The following XRCC4 variants were observed in gnomAD, a reference collection of about 807,000 sequenced individuals.
XRCC4 encodes DNA repair protein XRCC4.
XRCC4 carries 28 observed loss-of-function variants against 39.1 expected under a neutral mutation model. The observed-to-expected ratio is 0.72, with a 90% CI of 0.53 to 0.98. XRCC4 has a LOEUF of 0.98. XRCC4 is among the 50% of genes least tolerant of loss of function. The pLI is 0.00. For synonymous variants in XRCC4, 123 were observed against 126.4 expected (o/e 0.97, Z 0.18); for missense variants, 350 against 376.4 (o/e 0.93, Z 0.58).
At chr5:83,243,765 G>A (rs911994284) in intron 6 of XRCC4, among the ~76,000 whole-genome samples, 1 of 152,168 alleles carries the variant, frequency 6.6e-6, no homozygotes, top group East Asian at 1.9e-4. Context: ...GTGTCAGCTG[G>A]ATAAAGGAAG....
intron 3 of XRCC4, among the ~76,000 whole-genome samples, chr5:83,164,199 T>A (rs1749351014): frequency 6.6e-6 from 1 of 152,188 alleles, no homozygotes; most frequent in Non-Finnish European, 1.5e-5. Flanking sequence ...CTTTAGCCTC[T>A]CACTATCTTA....
intron 3 of XRCC4, among the ~76,000 whole-genome samples, chr5:83,156,524 C>A (rs1454163559): frequency 6.6e-6 from 1 of 151,942 alleles, no homozygotes; most frequent in Non-Finnish European, 1.5e-5. Context: ...TTTTTAATAT[C>A]AGAGATTCTG....
chr5:83,104,397 A>C (rs1372730560), intron 1 of XRCC4, among the ~76,000 whole-genome samples: 1 of 152,166 alleles, frequency 6.6e-6, no homozygotes, highest in Non-Finnish European at 1.5e-5. Context: ...TCTTGCAACC[A>C]TTTCTTTTGT....
At chr5:83,172,152 A>G (rs1256154791) in intron 3 of XRCC4, among the ~76,000 whole-genome samples, 1 of 152,084 alleles carries the variant, frequency 6.6e-6, no homozygotes, top group African/African-American at 2.4e-5. Context: ...TCATTCTTTC[A>G]TAGGAGTTTG....
chr5:83,262,408 T>C (rs1753784259), intron 7 of XRCC4, among the ~76,000 whole-genome samples: 2 of 152,110 alleles, frequency 1.3e-5, no homozygotes, highest in South Asian at 2.1e-4. Context: ...TGCACTATTA[T>C]ATGTGGGAAT....
chr5:83,230,025 G>T (rs1197294878), intron 6 of XRCC4, among the ~76,000 whole-genome samples: 1 of 151,686 alleles, frequency 6.6e-6, no homozygotes, highest in African/African-American at 2.4e-5. Flanking sequence ...CCCTTCCATT[G>T]CTCTGTGCAT....
chr5:83,138,046 T>C (rs1036529394), intron 3 of XRCC4, among the ~76,000 whole-genome samples: 1 of 152,194 alleles, frequency 6.6e-6, no homozygotes, highest in African/African-American at 2.4e-5. Flanking sequence ...TGGAAGTACT[T>C]GAGTTCAGAT....
intron 6 of XRCC4, among the ~76,000 whole-genome samples, chr5:83,233,614 A>G (rs1212131536): frequency 6.6e-6 from 1 of 151,890 alleles, no homozygotes; most frequent in Non-Finnish European, 1.5e-5. Flanking sequence ...TAGGCCAGGC[A>G]CGGTGGCTCA....
intron 7 of XRCC4, among the ~76,000 whole-genome samples, chr5:83,342,895 A>G (rs1179698005): frequency 6.6e-6 from 1 of 152,114 alleles, no homozygotes; most frequent in African/African-American, 2.4e-5. Context: ...CCATTTAAGA[A>G]GTGTTTCCAT....
intron 7 of XRCC4, among the ~76,000 whole-genome samples, chr5:83,339,056 C>CTTGTG (rs1756678953): frequency 6.6e-6 from 1 of 152,156 alleles, no homozygotes; most frequent in African/African-American, 2.4e-5. Flanking sequence ...GTTGCCTCAT[C>CTTGTG]TACACAGCAA....
rs1244168728 is a variant in XRCC4 at position 83,126,452 on chromosome 5, A to AT, written c.315+15255dup. The stretch of plus-strand genomic sequence containing the variant: ...TGTTTGCTTTTAAGATTCTTTGAGA[A>AT]TTTTTTCTGTAAACAGTGATGTTAT... On this transcript the variant is annotated intron_variant, in intron 3 of 7. Coordinates refer to ENST00000396027, the MANE Select transcript of XRCC4 (RefSeq NM_003401.5). Among the ~76,000 whole-genome samples, 4 of 151,832 alleles carry AT rather than the reference A, an allele frequency of 2.6e-5. No homozygotes were observed. In the East Asian group the frequency reaches 5.8e-4, roughly 22 times the overall value.
chr5:83,134,681 A>G (rs1459409229), intron 3 of XRCC4, among the ~76,000 whole-genome samples: 1 of 152,180 alleles, frequency 6.6e-6, no homozygotes, highest in Non-Finnish European at 1.5e-5. Flanking sequence ...CAGCAGCAGC[A>G]ACTCACTCGG....
intron 3 of XRCC4, among the ~76,000 whole-genome samples, chr5:83,119,555 C>A (rs549587165): frequency 1.3e-5 from 2 of 151,728 alleles, no homozygotes; most frequent in African/African-American, 4.8e-5. Context: ...TTTGTGGACC[C>A]ATTTTCTTTC....
intron 7 of XRCC4, among the ~76,000 whole-genome samples, chr5:83,297,933 TA>T (rs981522327): frequency 3.9e-5 from 6 of 151,988 alleles, no homozygotes; most frequent in African/African-American, 1.4e-4. Context: ...TTTGTCTTTC[TA>T]AAAATTTATG....
chr5:83,158,810 A>G (rs1035789948), intron 3 of XRCC4, among the ~76,000 whole-genome samples: 2 of 152,134 alleles, frequency 1.3e-5, no homozygotes, highest in African/African-American at 4.8e-5. Flanking sequence ...TAAAGAACTA[A>G]TCTTATATAA....
At chr5:83,320,269 A>G (rs1756013295) in intron 7 of XRCC4, among the ~76,000 whole-genome samples, 2 of 148,760 alleles carry the variant, frequency 1.3e-5, no homozygotes, top group African/African-American at 4.9e-5. Context: ...ATGACACGTT[A>G]GTGGGTGCAG....
intron 7 of XRCC4, among the ~76,000 whole-genome samples, chr5:83,348,368 G>A (rs925474638): frequency 2.1e-4 from 32 of 152,236 alleles, no homozygotes; most frequent in African/African-American, 7.5e-4. Flanking sequence ...CTGAAACCTA[G>A]GTGGAGGTTC....
intron 3 of XRCC4, among the ~76,000 whole-genome samples, chr5:83,151,767 T>A (rs1329602701): frequency 1.3e-5 from 2 of 152,076 alleles, no homozygotes; most frequent in Non-Finnish European, 2.9e-5. Flanking sequence ...CCACTAAGAG[T>A]TTGAAACTGA....
intron 6 of XRCC4, among the ~76,000 whole-genome samples, chr5:83,223,310 A>G (rs555816559): frequency 6.6e-6 from 1 of 152,178 alleles, no homozygotes; most frequent in South Asian, 2.1e-4. Context: ...TTCAGGATAC[A>G]GTTCTATTTC....
Sources: gnomAD v4.1 joint callset for allele counts (sites outside exome capture counted in the v4.1 genomes callset) on GRCh38, gnomAD v4.1.1 for gene constraint, MANE v1.5 for transcripts, NCBI Gene and HGNC (gene_info 2026-07-23, HGNC 2026-07-21) for gene names.